Variants in MCC observed in about 807,000 individuals in gnomAD.
MCC encodes colorectal mutant cancer protein.
MCC carries 90 observed loss-of-function variants against 116.2 expected under a neutral mutation model. That is an observed-to-expected ratio of 0.77 (90% CI 0.65 to 0.92). MCC has a LOEUF of 0.92. Ranked by LOEUF, MCC falls within the 40% of genes least tolerant of loss-of-function variation. The probability of loss-of-function intolerance (pLI) is 0.00; values close to 1 mark genes in which losing one functional copy is unlikely to be tolerated. For missense variants in MCC, 1,516 were observed against 1,312.2 expected (o/e 1.16, Z -2.40); for synonymous variants, 578 against 510.5 (o/e 1.13, Z -1.78).
At chr5:113,049,728 C>G (rs1438679638) in intron 15 of MCC, among the ~76,000 whole-genome samples, 1 of 152,226 alleles carries the variant, frequency 6.6e-6, no homozygotes, top group Non-Finnish European at 1.5e-5. Flanking sequence ...AAGCCCCTTC[C>G]AATTCCCATT....
chr5:113,327,558 AAAAATATAT>A (rs1429961660), intron 3 of MCC, among the ~76,000 whole-genome samples: 20 of 102,166 alleles, frequency 2.0e-4, no homozygotes, highest in Non-Finnish European at 3.1e-4. Context: ...AAAAAAAAAA[AAAAATATAT>A]ATATATATAT....
intron 4 of MCC, among the ~76,000 whole-genome samples, chr5:113,149,868 A>C (rs1759743133): frequency 6.6e-6 from 1 of 152,204 alleles, no homozygotes; most frequent in Admixed American, 6.5e-5. Context: ...AATCAGAGGA[A>C]AACAAGGCTG....
intron 3 of MCC, among the ~76,000 whole-genome samples, chr5:113,243,831 A>T (rs1764474711): frequency 6.6e-6 from 1 of 152,242 alleles, no homozygotes; most frequent in Non-Finnish European, 1.5e-5. Context: ...GCCAAGCAAC[A>T]ACATGGCAGT....
At chr5:113,280,265 G>A (rs1387591674) in intron 3 of MCC, among the ~76,000 whole-genome samples, 2 of 152,208 alleles carry the variant, frequency 1.3e-5, no homozygotes, top group Non-Finnish European at 2.9e-5. Flanking sequence ...GAACCTGGGG[G>A]TGGTGGGTTC....
intron 1 of MCC, among the ~76,000 whole-genome samples, chr5:113,463,872 TAA>T (rs1771823592): frequency 6.6e-6 from 1 of 152,086 alleles, no homozygotes; most frequent in Non-Finnish European, 1.5e-5. Context: ...ATTGATGCCT[TAA>T]AATATTCTAA....
At chr5:113,303,079 C>T (rs1766901496) in intron 3 of MCC, among the ~76,000 whole-genome samples, 1 of 152,112 alleles carries the variant, frequency 6.6e-6, no homozygotes, top group South Asian at 2.1e-4. Context: ...TGGGGAAGGA[C>T]CAAGTTTCGC....
chr5:113,135,238 G>C (rs571556313), intron 5 of MCC, among the ~76,000 whole-genome samples: 1 of 148,568 alleles, frequency 6.7e-6, no homozygotes, highest in Non-Finnish European at 1.5e-5. Flanking sequence ...GTGCCCAGTC[G>C]GTCTTTTACT....
chr5:113,453,869 G>A (rs538185107), intron 1 of MCC, among the ~76,000 whole-genome samples: 119 of 152,264 alleles, frequency 7.8e-4, no homozygotes, highest in African/African-American at 2.7e-3. Flanking sequence ...CCTGCACTTT[G>A]GGAGGCTGAG....
chr5:113,357,469 A>C (rs768424254), intron 2 of MCC, among the ~76,000 whole-genome samples: 3 of 152,154 alleles, frequency 2.0e-5, no homozygotes, highest in Non-Finnish European at 4.4e-5. Flanking sequence ...ACCTACCAGG[A>C]ATGTCCGGTG....
chr5:113,054,470 C>G (rs985667399), intron 14 of MCC, among the ~76,000 whole-genome samples: 1 of 152,232 alleles, frequency 6.6e-6, no homozygotes, highest in Admixed American at 6.5e-5. Context: ...AGTTGAAGCA[C>G]AAAACTCCTA....
chr5:113,241,355 CA>C (rs1386599239), intron 3 of MCC, among the ~76,000 whole-genome samples: 1 of 152,116 alleles, frequency 6.6e-6, no homozygotes, highest in African/African-American at 2.4e-5. Flanking sequence ...TTTGGAAAGA[CA>C]GAATAGACAG....
intron 5 of MCC, among the ~76,000 whole-genome samples, chr5:113,129,257 G>T (rs1009879730): frequency 6.6e-6 from 1 of 152,108 alleles, no homozygotes; most frequent in Non-Finnish European, 1.5e-5. Context: ...AAGATCAACT[G>T]TCTGCAGGGT....
chr5:113,275,985 T>G (rs1163163181), intron 3 of MCC, among the ~76,000 whole-genome samples: 1 of 150,746 alleles, frequency 6.6e-6, no homozygotes, highest in African/African-American at 2.5e-5. Context: ...TTTTTTTTTT[T>G]TTTTAAGCAG....
intron 12 of MCC, among the ~76,000 whole-genome samples, chr5:113,069,817 A>T (rs977562066): frequency 6.6e-6 from 1 of 152,004 alleles, no homozygotes; most frequent in African/African-American, 2.4e-5. Context: ...TGATCTCCTG[A>T]CCTCGTGATC....
intron 17 of MCC, among the ~76,000 whole-genome samples, chr5:113,034,063 C>T (rs913263358): frequency 4.4e-5 from 6 of 136,312 alleles, no homozygotes; most frequent in Non-Finnish European, 9.3e-5. Context: ...ATTTTTAAAA[C>T]TTTTTTTTTT....
At chr5:113,456,945 G>C (rs915984844) in intron 1 of MCC, among the ~76,000 whole-genome samples, 2 of 152,168 alleles carry the variant, frequency 1.3e-5, no homozygotes, top group African/African-American at 2.4e-5. Context: ...ATGAAGCAGG[G>C]AGGGGATGAA....
At chr5:113,383,798 T>C (rs995199080) in intron 2 of MCC, among the ~76,000 whole-genome samples, 15 of 152,190 alleles carry the variant, frequency 9.9e-5, no homozygotes, top group African/African-American at 3.6e-4. Flanking sequence ...TAGTAACGCA[T>C]GGAGTGTATG....
chr5:113,263,123 T>C (rs1413656995), intron 3 of MCC, among the ~76,000 whole-genome samples: 1 of 152,202 alleles, frequency 6.6e-6, no homozygotes, highest in African/African-American at 2.4e-5. Flanking sequence ...AGAGGGAACG[T>C]TCAAGACTGG....
At chr5:113,291,216 C>T (rs893001512) in intron 3 of MCC, among the ~76,000 whole-genome samples, 5 of 152,114 alleles carry the variant, frequency 3.3e-5, no homozygotes, top group African/African-American at 1.2e-4. Context: ...AACACCCATC[C>T]CTAGGTCTCC....
Sources: allele counts gnomAD v4.1 joint callset (sites outside exome capture counted in the v4.1 genomes callset), GRCh38; gene constraint gnomAD v4.1.1; transcripts MANE v1.5; gene names NCBI Gene and HGNC (gene_info 2026-07-23, HGNC 2026-07-21).